CDHR4: variants seen among roughly 807,000 people sequenced by gnomAD.
CDHR4 encodes the protein cadherin-related family member 4.
In CDHR4, 89 loss-of-function variants were observed where a neutral mutation model predicts 88.4. That is an observed-to-expected ratio of 1.01 (90% CI 0.85 to 1.20). CDHR4 has a LOEUF of 1.20. Among genes scored for constraint, CDHR4 ranks in the 50% most tolerant of loss-of-function variants. The pLI is 0.00. For synonymous variants in CDHR4, 368 were observed against 399.2 expected, an observed-to-expected ratio of 0.92 and a Z score of 0.93; for missense variants, 914 against 1,007.2, an observed-to-expected ratio of 0.91 and a Z score of 1.25.
rs1302332194 is a variant in CDHR4, at chr3:49,795,011, T to C, written c.1121A>G (p.Tyr374Cys). Residue 374 changes from tyrosine (Y) to cysteine (C), a missense_variant, in exon 9 of 19, where the codon TAC becomes TGC. By Grantham distance (194) the Tyr-to-Cys change is radical. Transcript: ENST00000412678. The surrounding 1 kb of genome is among the most constrained non-coding windows in gnomAD (Gnocchi z 5.4). ...DPDSVGATLD[Y>C]KLWFRSSSNP... Reference sequence around the variant, plus strand: ...GGAAGAGCTGCGGAACCACAGCTTGTAGTCCAGGGTGGCACCAACAGAGTC... The same window carrying C: ...GGAAGAGCTGCGGAACCACAGCTTGCAGTCCAGGGTGGCACCAACAGAGTC... The C allele has an allele frequency of 6.4e-7, 1 of 1,551,636 alleles. No individual in the cohort carries two copies. Among genetic ancestry groups the C allele is most frequent in the African/African-American group, 1.4e-5 (1 of 73,140 alleles).
chr3:49,797,235 TTC>T (rs765346473), intron 4 of CDHR4, among the ~76,000 whole-genome samples: 2 of 151,182 alleles, frequency 1.3e-5, no homozygotes, highest in African/African-American at 2.4e-5. Context: ...CTTCCTTCCT[TTC>T]TCTCTTTCTT....
chr3:49,796,057 C>T lies in CDHR4; in HGVS notation c.607-11G>A, dbSNP rs781314352. ...TTGCAGCTGGAAGACCTGTGGTGCA[C>T]CCAGAACAGAAAAGGAGCCAGATTG... On this transcript the variant is annotated splice_polypyrimidine_tract_variant and intron_variant, in intron 5 of 18. Transcript: ENST00000412678. 6 of 1,498,424 alleles carry T rather than the reference C, an allele frequency of 4.0e-6. No individual in the cohort carries two copies. The highest frequency in any genetic ancestry group is 5.3e-6 in the Non-Finnish European group (6 of 1,124,710). The allele number at this position is 1,498,424 out of a possible 1,614,324, so 92.8% of individuals were successfully genotyped here.
rs988055239 is a variant in CDHR4, at chr3:49,795,845, C to T, written c.711-81G>A. 7.2e-6 allele frequency: 11 copies of T among 1,530,394 alleles called. No individual in the cohort carries two copies. The Admixed American group carries it at 1.8e-4, about 25-fold the overall frequency. 94.8% of individuals were successfully genotyped at this position (1,530,394 alleles called of 1,614,324 possible). On this transcript the variant is annotated intron_variant, in intron 6 of 18. Transcript: ENST00000412678. This position sits in a 1 kb window ranked among gnomAD's most constrained non-coding sequence, Gnocchi z 5.4. ...ACAGCTTCCTTCCCTGGGCCCCCTC[C>T]TGTCAGGGCTGGGACTCAGCTCCAG... is the stretch of plus-strand genomic sequence containing the variant.
At chr3:49,791,509 C>G (rs763704076) in intron 17 of CDHR4, 41 bp from the exon 18 acceptor site, 2 of 1,541,508 alleles carry the variant, frequency 1.3e-6, no homozygotes, top group Non-Finnish European at 1.7e-6. Flanking sequence ...GAATTGAACC[C>G]TGCCCACAGG....
chr3:49,802,205 ACT>A (rs1241147193), upstream of CDHR4, among the ~76,000 whole-genome samples: 2 of 145,520 alleles, frequency 1.4e-5, no homozygotes, highest in Non-Finnish European at 3.0e-5. Context: ...ACGGAGTCTC[ACT>A]CTGTCGCCCA....
rs1056802424 is a variant in CDHR4, at chr3:49,797,001, T to C, written c.527A>G (p.His176Arg). 6.4e-7 allele frequency: 1 copy of C among 1,551,550 alleles called. No individual in the cohort carries two copies. Among genetic ancestry groups the C allele is most frequent in the African/African-American group, 1.4e-5 (1 of 73,026 alleles). Residue 176 changes from histidine to arginine, a missense_variant, in exon 5 of 19, where the codon CAC (histidine) becomes CGC (arginine). Coordinates refer to ENST00000412678, the MANE Select transcript of CDHR4 (RefSeq NM_001007540.4). Reference sequence around the variant, plus strand: ...ATTGATGGAGAAAGGTCCAGGGAAGTGTGGCAGGTCCTGGGCACTGATAAT... The same window carrying C: ...ATTGATGGAGAAAGGTCCAGGGAAGCGTGGCAGGTCCTGGGCACTGATAAT... ...MSIISAQDLP[H>R]FPGPFSINEQ...
Position 49,799,473 on chromosome 3 carries a change from A to C in CDHR4, c.50-36T>G, listed in dbSNP as rs2081330527. 10 of 1,548,760 alleles carry C rather than the reference A, an allele frequency of 6.5e-6. No individual in the cohort carries two copies. In the East Asian group the frequency reaches 2.2e-4, roughly 33 times the overall value. On this transcript the variant is annotated intron_variant, in intron 1 of 18. Coordinates refer to ENST00000412678, the MANE Select transcript of CDHR4 (RefSeq NM_001007540.4). ...CAGAGAATTCAGGCTGGAGGCCCCC[A>C]GGCTGATGGAACCACACATACTAGC...
In CDHR4 at chr3:49,799,809, C is replaced by T. The variant is rs1428571507; in HGVS notation, c.4G>A (p.Val2Met). 5 of 1,613,832 alleles carry T rather than the reference C, an allele frequency of 3.1e-6. No homozygotes were observed. Among genetic ancestry groups the T allele is most frequent in the Non-Finnish European group, 4.2e-6 (5 of 1,179,862 alleles). Residue 2 changes from valine to methionine, a missense_variant, in exon 1 of 19, where the codon GTG becomes ATG. By Grantham distance (21) the Val-to-Met change is conservative. Transcript: ENST00000412678. Reference protein sequence around the residue: MVLLRLLVFLFA... With the variant: MMLLRLLVFLFA... Reference sequence around the variant, plus strand: ...AGGAACACGAGGAGCCTGAGCAGCACCATGATGACCTGAAGACACAGACAG... The same window carrying T: ...AGGAACACGAGGAGCCTGAGCAGCATCATGATGACCTGAAGACACAGACAG...
At chr3:49,793,773 G>C in intron 11 of CDHR4, 30 bp downstream of exon 11, 1 of 1,551,616 alleles carries the variant, frequency 6.4e-7, no homozygotes, top group Non-Finnish European at 8.7e-7. Context: ...CTGGCTCCCT[G>C]TTTCCATCCC....
At chr3:49,793,782 C>G in intron 11 of CDHR4, 21 bp downstream of exon 11, 1 of 1,551,682 alleles carries the variant, frequency 6.4e-7, no homozygotes, top group East Asian at 2.4e-5. Flanking sequence ...TGTTTCCATC[C>G]CAGCCCTGGG....
chr3:49,793,349 A>C (rs1453272450), intron 12 of CDHR4, 38 bp from the exon 13 acceptor site: 1 of 1,540,220 alleles, frequency 6.5e-7, no homozygotes, highest in Admixed American at 2.0e-5. Flanking sequence ...GGTGGAACCC[A>C]CCCCCTAAAC....
Position 49,799,767 on chromosome 3 carries a change from A to G in CDHR4, c.46T>C (p.Ser16Pro). 1 of 1,613,882 alleles carries G rather than the reference A, an allele frequency of 6.2e-7. No homozygotes were observed. Among genetic ancestry groups the G allele is most frequent in the Non-Finnish European group, 8.5e-7 (1 of 1,179,826 alleles). Residue 16 changes from serine (S) to proline (P), a missense_variant, in exon 1 of 19, where the codon TCT (serine) becomes CCT (proline). Ser to Pro is a moderately conservative substitution (Grantham distance 74, BLOSUM62 -1). Coordinates refer to ENST00000412678, the MANE Select transcript of CDHR4 (RefSeq NM_001007540.4). ...LLVFLFAPVV[S>P]DLCSLPCFIN... is the part of the protein sequence containing the mutation. Reference sequence around the variant, plus strand: ...CCCCCACCCACCACCTCCTCACCAGAGACCACCGGAGCAAAGAGGAACACG... The same window carrying G: ...CCCCCACCCACCACCTCCTCACCAGGGACCACCGGAGCAAAGAGGAACACG...
intron 18 of CDHR4, among the ~76,000 whole-genome samples, chr3:49,791,183 T>C (rs1317407291): frequency 6.6e-6 from 1 of 152,142 alleles, no homozygotes; most frequent in African/African-American, 2.4e-5. Context: ...TGGAGGCCTC[T>C]CCCCTCACCA....
upstream of CDHR4, among the ~76,000 whole-genome samples, chr3:49,802,338 T>A: frequency 6.6e-6 from 1 of 151,980 alleles, no homozygotes; most frequent in Non-Finnish European, 1.5e-5. Context: ...CACGCCCGGC[T>A]AATTTTTTTT....
At chr3:49,801,350 T>C (rs144710108), upstream of CDHR4, among the ~76,000 whole-genome samples, 82 of 152,340 alleles carry the variant, frequency 5.4e-4, no homozygotes, top group African/African-American at 1.8e-3. Flanking sequence ...CTCCACCTCA[T>C]GGAATGTCCC....
rs2081279036 is a variant in CDHR4, at chr3:49,796,981, T to C, written c.547A>G (p.Ile183Val). The change falls in exon 5 of 19, where the codon ATC becomes GTC. Residue 183 changes from isoleucine to valine, a missense_variant. By Grantham distance (29) the Ile-to-Val change is conservative. Coordinates refer to ENST00000412678, the MANE Select transcript of CDHR4 (RefSeq NM_001007540.4). ...DLPHFPGPFS[I>V]NEQGWLQAPS... is the part of the protein sequence containing the mutation. Reference sequence around the variant, plus strand: ...GCCTGCAGCCAACCTTGCTCATTGATGGAGAAAGGTCCAGGGAAGTGTGGC... The same window carrying C: ...GCCTGCAGCCAACCTTGCTCATTGACGGAGAAAGGTCCAGGGAAGTGTGGC... 2 of 1,551,622 alleles carry C rather than the reference T, an allele frequency of 1.3e-6. No individual in the cohort carries two copies. The highest frequency in any genetic ancestry group is 1.4e-5 in the African/African-American group (1 of 73,060).
chr3:49,793,759 A>G, intron 11 of CDHR4, 37 bp from the exon 12 acceptor site: 1 of 1,551,592 alleles, frequency 6.4e-7, no homozygotes, highest in Non-Finnish European at 8.7e-7. Flanking sequence ...CTGCAGGGCC[A>G]ACTCTGGCTC....
intron 17 of CDHR4, 93 bp from the exon 18 acceptor site, chr3:49,791,561 C>T (rs757764946): frequency 6.7e-6 from 10 of 1,490,520 alleles, no homozygotes; most frequent in Non-Finnish European, 9.1e-6. Flanking sequence ...AGAAGCCCAC[C>T]TGCCTCCTCC....
At position 49,799,842 on chromosome 3, in the gene CDHR4, G is replaced by A; in HGVS notation, c.-30C>T. The stretch of plus-strand genomic sequence containing the variant: ...ACCTGAAGACACAGACAGCAGAGGA[G>A]GCTTCAGAAAGCTAGGCTGTTTGTC... On this transcript the variant is annotated 5_prime_UTR_variant, in exon 1 of 19. Coordinates refer to ENST00000412678, the MANE Select transcript of CDHR4 (RefSeq NM_001007540.4). 6.2e-7 allele frequency: 1 copy of A among 1,613,256 alleles called. No individual in the cohort carries two copies. The highest frequency in any genetic ancestry group is 8.5e-7 in the Non-Finnish European group (1 of 1,179,412).
Sources: allele counts gnomAD v4.1 joint callset (sites outside exome capture counted in the v4.1 genomes callset), GRCh38; gene constraint gnomAD v4.1.1; non-coding constraint Gnocchi (gnomAD v3.1); transcripts MANE v1.5; gene names NCBI Gene and HGNC (gene_info 2026-07-23, HGNC 2026-07-21).